RPS27A: variants seen among roughly 807,000 people sequenced by gnomAD.
RPS27A encodes the protein ribosomal protein S27a, also known as ubiquitin-ribosomal protein eS31 fusion protein.
In RPS27A, 1 loss-of-function variant was observed where a neutral mutation model predicts 18.9. That is an observed-to-expected ratio of 0.05 (90% CI 0.02 to 0.25). The LOEUF is 0.25. RPS27A is among the 10% of genes least tolerant of loss of function. The pLI is 1.00. For missense variants in RPS27A, 123 were observed against 187.4 expected, an observed-to-expected ratio of 0.66 and a Z score of 2.01; for synonymous variants, 77 against 63.7, an observed-to-expected ratio of 1.21 and a Z score of -0.99.
Position 55,235,634 on chromosome 2 carries a change from A to G in RPS27A, c.*57A>G. 6.3e-7 allele frequency: 1 copy of G among 1,583,766 alleles called. No individual in the cohort carries two copies. Among genetic ancestry groups the G allele is most frequent in the Non-Finnish European group, 8.6e-7 (1 of 1,167,164 alleles). On this transcript the variant is annotated 3_prime_UTR_variant, in exon 6 of 6. Coordinates refer to ENST00000272317, the MANE Select transcript of RPS27A (RefSeq NM_002954.6). ...ATTTATTGTTGGGTTTTATTGCAGT[A>G]AAAAGAATGGTTTTTAAGCACCAAA...
chr2:55,234,192 C>T lies in RPS27A; in HGVS notation c.177C>T (p.Tyr59=). Residue 59 remains tyrosine, a synonymous_variant, in exon 4 of 6, where the codon TAC becomes TAT. Transcript: ENST00000272317. The stretch of plus-strand genomic sequence containing the variant: ...AAGATGGACGTACTTTGTCTGACTA[C>T]AATATTCAAAAGGTCTGTCTAGGGG... ...QLEDGRTLSD[Y]NIQKESTLHL... is the part of the protein sequence containing the mutation. 6.2e-7 allele frequency: 1 copy of T among 1,604,648 alleles called. No homozygotes were observed. Among genetic ancestry groups the T allele is most frequent in the South Asian group, 1.1e-5 (1 of 90,858 alleles).
At chr2:55,233,479 G>A (rs1675608031) in intron 3 of RPS27A, 62 bp downstream of exon 3, 21 of 1,151,398 alleles carry the variant, frequency 1.8e-5, no homozygotes, top group Non-Finnish European at 2.7e-5. Context: ...ACCTGTAGGT[G>A]CTAGACATAC....
chr2:55,235,194 G>A, intron 5 of RPS27A: 1 of 694,762 alleles, frequency 1.4e-6, no homozygotes, highest in Non-Finnish European at 2.4e-6. Context: ...TTTGGGTTCA[G>A]GTCTTTACCT....
At chr2:55,233,549 A>G in intron 3 of RPS27A, 132 bp downstream of exon 3, 1 of 716,120 alleles carries the variant, frequency 1.4e-6, no homozygotes, top group Non-Finnish European at 2.6e-6. Context: ...GTGGAATAAC[A>G]CAATAGACAT....
chr2:55,234,561 G>A (rs1675697032), intron 4 of RPS27A: 1 of 555,366 alleles, frequency 1.8e-6, no homozygotes, highest in South Asian at 2.1e-5. Context: ...TAGATTTTTA[G>A]GTAACTCCTA....
At chr2:55,233,331 T>G (rs887444158) in intron 2 of RPS27A, 32 bp from the exon 3 acceptor site, 1 of 1,570,148 alleles carries the variant, frequency 6.4e-7, no homozygotes, top group Non-Finnish European at 8.8e-7. Flanking sequence ...CCTTAATGTG[T>G]AACCAACATG....
At chr2:55,233,610 A>G (rs2104216815) in intron 3 of RPS27A, 193 bp downstream of exon 3, 1 of 616,066 alleles carries the variant, frequency 1.6e-6, no homozygotes, top group South Asian at 1.9e-5. Flanking sequence ...GGTGTATTTC[A>G]CTTGCGTGAA....
Position 55,233,401 on chromosome 2 carries a change from G to A in RPS27A, c.87G>A (p.Lys29=), listed in dbSNP as rs757367919. 1 of 1,613,460 alleles carries A rather than the reference G, an allele frequency of 6.2e-7. No individual in the cohort carries two copies. Among genetic ancestry groups the A allele is most frequent in the African/African-American group, 1.3e-5 (1 of 75,034 alleles). ...ATACGATAGAAAATGTAAAGGCCAA[G>A]ATCCAGGATAAGGAAGGCAAGTAGT... ...PSDTIENVKA[K]IQDKEGIPPD... The change falls in exon 3 of 6, where the codon AAG becomes AAA. Residue 29 remains lysine, a synonymous_variant. Transcript: ENST00000272317.
intron 3 of RPS27A, chr2:55,233,876 C>T (rs974685831): frequency 1.2e-5 from 7 of 570,290 alleles, no homozygotes; most frequent in Admixed American, 6.1e-5. Context: ...GTGATCTGCC[C>T]ACCTCGACCT....
At chr2:55,232,612 T>G, upstream of RPS27A, 11 of 608,604 alleles carry the variant, frequency 1.8e-5, no homozygotes, top group Non-Finnish European at 2.4e-5. Flanking sequence ...CAGTCAGGCA[T>G]TTGGTGTGGT....
In RPS27A at chr2:55,235,665, G is replaced by A. The variant is rs1458538804; in HGVS notation, c.*88G>A. 4 of 1,422,372 alleles carry A rather than the reference G, an allele frequency of 2.8e-6. No homozygotes were observed. The highest frequency in any genetic ancestry group is 3.9e-6 in the Non-Finnish European group (4 of 1,021,204). 88.1% of individuals were successfully genotyped at this position (1,422,372 alleles called of 1,614,324 possible). The stretch of plus-strand genomic sequence containing the variant: ...AATGGTTTTTAAGCACCAAATTGAT[G>A]GTCACACCATTTCCTTTTAGTAGTG... On this transcript the variant is annotated 3_prime_UTR_variant, in exon 6 of 6. Coordinates refer to ENST00000272317, the MANE Select transcript of RPS27A (RefSeq NM_002954.6).
At chr2:55,232,752 G>A (rs1008901004) in intron 1 of RPS27A, 44 bp downstream of exon 1, 7 of 1,380,086 alleles carry the variant, frequency 5.1e-6, no homozygotes, top group African/African-American at 4.2e-5. Context: ...GCACCCTATG[G>A]TGCCTTCTCT....
intron 2 of RPS27A, 154 bp downstream of exon 2, chr2:55,233,026 C>T (rs1417017892): frequency 5.4e-6 from 4 of 738,368 alleles, no homozygotes; most frequent in South Asian, 1.5e-5. Flanking sequence ...TGAGCAACGA[C>T]CTAGAGGTGA....
At chr2:55,234,366 C>G (rs893408146) in intron 4 of RPS27A, 162 bp downstream of exon 4, 1 of 652,828 alleles carries the variant, frequency 1.5e-6, no homozygotes, top group Non-Finnish European at 2.8e-6. Flanking sequence ...GTCCTCCCAC[C>G]TCAGCCTCCT....
chr2:55,235,691 CT>C lies in RPS27A; in HGVS notation c.*115del. The C allele has an allele frequency of 3.4e-6, 4 of 1,176,406 alleles. No homozygotes were observed. The highest frequency in any genetic ancestry group is 5.0e-6 in the Non-Finnish European group (4 of 803,542). 72.9% of individuals were successfully genotyped at this position (1,176,406 alleles called of 1,614,324 possible). On this transcript the variant is annotated 3_prime_UTR_variant, in exon 6 of 6. Coordinates refer to ENST00000272317, the MANE Select transcript of RPS27A (RefSeq NM_002954.6). ...GTCACACCATTTCCTTTTAGTAGTG[CT>C]ACTGCTATCGCTGTGTGAATGTTGC...
At chr2:55,233,755 A>C in intron 3 of RPS27A, 1 of 466,144 alleles carries the variant, frequency 2.1e-6, no homozygotes, top group South Asian at 2.1e-5. Context: ...CAGCCTCCCT[A>C]TTAGTGGGGA....
chr2:55,234,216 G>A lies in RPS27A; in HGVS notation c.189+12G>A. On this transcript the variant is annotated intron_variant, in intron 4 of 5. Coordinates refer to ENST00000272317, the MANE Select transcript of RPS27A (RefSeq NM_002954.6). The stretch of plus-strand genomic sequence containing the variant: ...ACAATATTCAAAAGGTCTGTCTAGG[G>A]GAAGAGCAGCCTCTTTTAAAAAAAA... 6.4e-7 allele frequency: 1 copy of A among 1,550,524 alleles called. No individual in the cohort carries two copies. Among genetic ancestry groups the A allele is most frequent in the Non-Finnish European group, 8.9e-7 (1 of 1,121,998 alleles).
At chr2:55,232,146 C>T (rs75079111), upstream of RPS27A, 2,338 of 155,584 alleles carry the variant, frequency 0.015, 63 homozygotes, top group African/African-American at 0.054. Flanking sequence ...GCACCCTTTG[C>T]CCCCCGCTTA....
rs753460046 is a variant in RPS27A, at chr2:55,234,823, A to G, written c.190-8A>G. On this transcript the variant is annotated splice_region_variant and splice_polypyrimidine_tract_variant and intron_variant, in intron 4 of 5. Coordinates refer to ENST00000272317, the MANE Select transcript of RPS27A (RefSeq NM_002954.6). ...TCATGAAAGCTTGCTTCATTCTTCC[A>G]TTAACAGGAGTCTACTCTTCATCTT... 6.2e-7 allele frequency: 1 copy of G among 1,612,012 alleles called. No homozygotes were observed.
Sources: gnomAD v4.1 joint callset for allele counts on GRCh38, gnomAD v4.1.1 for gene constraint, MANE v1.5 for transcripts, NCBI Gene and HGNC (gene_info 2026-07-23, HGNC 2026-07-21) for gene names.